PSMD14: variants seen among roughly 807,000 people sequenced by gnomAD.
The protein encoded by PSMD14 is ubiquitin C-terminal hydrolase PSMD14.
PSMD14 carries 7 observed loss-of-function variants against 41.2 expected under a neutral mutation model. The observed-to-expected ratio is 0.17, with a 90% CI of 0.10 to 0.32. The LOEUF is 0.32. Ranked by LOEUF, PSMD14 falls within the 10% of genes least tolerant of loss-of-function variation. The pLI is 1.00. For missense variants in PSMD14, 139 were observed against 375.6 expected (o/e 0.37, Z 5.21); for synonymous variants, 114 against 122.3 (o/e 0.93, Z 0.45).
chr2:161,373,220 T>G, intron 7 of PSMD14, among the ~76,000 whole-genome samples: 1 of 151,992 alleles, frequency 6.6e-6, no homozygotes, highest in East Asian at 1.9e-4. Context: ...TTAAATTTAG[T>G]TTTTAAAAAA....
chr2:161,317,709 A>G (rs1444703110), intron 2 of PSMD14, among the ~76,000 whole-genome samples: 1 of 152,228 alleles, frequency 6.6e-6, no homozygotes, highest in Non-Finnish European at 1.5e-5. Context: ...GTGGGGGATA[A>G]TATATAAGTA....
At chr2:161,324,035 T>A (rs1574115373) in intron 3 of PSMD14, among the ~76,000 whole-genome samples, 2 of 152,342 alleles carry the variant, frequency 1.3e-5, no homozygotes, top group African/African-American at 4.8e-5. Flanking sequence ...CTGTACTTTT[T>A]AAAAATTTTG....
intron 3 of PSMD14, among the ~76,000 whole-genome samples, chr2:161,344,003 C>T (rs1316215400): frequency 2.0e-5 from 3 of 151,686 alleles, no homozygotes; most frequent in African/African-American, 7.3e-5. Context: ...ATTTGAATAG[C>T]ATTTACATTG....
In PSMD14 at chr2:161,411,273, T is replaced by C. The variant is rs375728637; in HGVS notation, c.835-29T>C. On this transcript the variant is annotated intron_variant, in intron 11 of 11. Coordinates refer to ENST00000409682, the MANE Select transcript of PSMD14 (RefSeq NM_005805.6). ...TTATCTACCAGTAATATGGTTCTGTTTTCTCTTTCCTCATTTTTGTTCTTT... is the reference window on the plus strand; with the variant it reads ...TTATCTACCAGTAATATGGTTCTGTCTTCTCTTTCCTCATTTTTGTTCTTT... 1.3e-5 allele frequency: 19 copies of C among 1,503,182 alleles called. No homozygotes were observed. The African/African-American group carries it at 2.4e-4, about 19-fold the overall frequency. The allele number at this position is 1,503,182 out of a possible 1,614,324, so 93.1% of individuals were successfully genotyped here.
chr2:161,366,965 G>C (rs549433435), intron 3 of PSMD14, among the ~76,000 whole-genome samples: 7 of 152,206 alleles, frequency 4.6e-5, no homozygotes, highest in Non-Finnish European at 1.0e-4. Context: ...ATAGGGGGAG[G>C]GGAACAGCTT....
At chr2:161,402,268 T>TA (rs1238467214) in intron 10 of PSMD14, among the ~76,000 whole-genome samples, 1 of 152,056 alleles carries the variant, frequency 6.6e-6, no homozygotes, top group Non-Finnish European at 1.5e-5. Context: ...GAAAACTATT[T>TA]AAAAAAAGAG....
intron 3 of PSMD14, among the ~76,000 whole-genome samples, chr2:161,363,291 G>T (rs1683315971): frequency 6.6e-6 from 1 of 152,094 alleles, no homozygotes; most frequent in South Asian, 2.1e-4. Flanking sequence ...AAAGAGGTTG[G>T]GGACTGCTGC....
At chr2:161,325,162 G>A (rs562012312) in intron 3 of PSMD14, among the ~76,000 whole-genome samples, 2 of 152,128 alleles carry the variant, frequency 1.3e-5, no homozygotes, top group African/African-American at 4.8e-5. Context: ...TATAATGCCT[G>A]TAAGTTGTCA....
intron 3 of PSMD14, among the ~76,000 whole-genome samples, chr2:161,327,824 G>A (rs1682721936): frequency 1.3e-5 from 2 of 151,740 alleles, no homozygotes; most frequent in South Asian, 4.1e-4. Context: ...TGAAAAGATA[G>A]TCAGTGTCAC....
intron 9 of PSMD14, among the ~76,000 whole-genome samples, chr2:161,393,413 G>C (rs975555445): frequency 3.9e-5 from 6 of 152,082 alleles, no homozygotes; most frequent in African/African-American, 1.4e-4. Context: ...CTTACCCCTG[G>C]AGCCATGGGA....
chr2:161,408,439 G>A (rs1242124906), intron 10 of PSMD14: 2 of 176,510 alleles, frequency 1.1e-5, no homozygotes, highest in African/African-American at 4.8e-5. Flanking sequence ...AGAGAAATGG[G>A]AAATTGGGAA....
chr2:161,392,505 C>T (rs1391062394), intron 9 of PSMD14, among the ~76,000 whole-genome samples: 2 of 152,034 alleles, frequency 1.3e-5, no homozygotes, highest in African/African-American at 4.8e-5. Context: ...AATCTATATG[C>T]TGGGGGGGAG....
chr2:161,365,527 TA>T lies in PSMD14; in HGVS notation c.49-1942del, dbSNP rs964099535. On this transcript the variant is annotated intron_variant, in intron 3 of 11. Coordinates refer to ENST00000409682, the MANE Select transcript of PSMD14 (RefSeq NM_005805.6). ...TTGATGTTTTATTTCCCTTTTTTTC[TA>T]AAAAAAAATATTTTCAGGCAAGTTG... Among the ~76,000 whole-genome samples the T allele has an allele frequency of 7.9e-5, 12 of 151,322 alleles. No homozygotes were observed. The East Asian group carries it at 9.7e-4, about 12-fold the overall frequency.
intron 3 of PSMD14, among the ~76,000 whole-genome samples, chr2:161,333,248 T>C (rs918135210): frequency 6.6e-6 from 1 of 152,266 alleles, no homozygotes; most frequent in African/African-American, 2.4e-5. Flanking sequence ...TTTTAGTAAG[T>C]TGACTTCCTC....
chr2:161,378,681 A>G (rs888811412), intron 7 of PSMD14, among the ~76,000 whole-genome samples: 2 of 151,954 alleles, frequency 1.3e-5, no homozygotes, highest in Non-Finnish European at 2.9e-5. Context: ...AAACAGCTTT[A>G]TGATGAAGAG....
intron 7 of PSMD14, among the ~76,000 whole-genome samples, chr2:161,372,548 C>G (rs1683449922): frequency 6.6e-6 from 1 of 151,882 alleles, no homozygotes; most frequent in South Asian, 2.1e-4. Flanking sequence ...TCCACAAAAA[C>G]AGTAATAGAA....
intron 7 of PSMD14, among the ~76,000 whole-genome samples, chr2:161,377,284 A>G (rs370453229): frequency 6.6e-6 from 1 of 151,972 alleles, no homozygotes; most frequent in African/African-American, 2.4e-5. Flanking sequence ...AATCGAATAC[A>G]TAAAGAAATC....
chr2:161,332,804 T>C (rs1007462107), intron 3 of PSMD14, among the ~76,000 whole-genome samples: 1 of 152,226 alleles, frequency 6.6e-6, no homozygotes, highest in African/African-American at 2.4e-5. Context: ...TGTGCTGGGA[T>C]TACACCAGAG....
At chr2:161,326,066 CT>C (rs1200300523) in intron 3 of PSMD14, among the ~76,000 whole-genome samples, 5 of 152,224 alleles carry the variant, frequency 3.3e-5, no homozygotes, top group Middle Eastern at 3.4e-3. Flanking sequence ...AAGATGGAGT[CT>C]TGCTCTGTCA....
Sources: allele counts gnomAD v4.1 joint callset (sites outside exome capture counted in the v4.1 genomes callset), GRCh38; gene constraint gnomAD v4.1.1; transcripts MANE v1.5; gene names NCBI Gene and HGNC (gene_info 2026-07-23, HGNC 2026-07-21).